SPAG6: variants seen among roughly 807,000 people sequenced by gnomAD.
The protein encoded by SPAG6 is sperm associated antigen 6, also known as sperm-associated antigen 6.
A neutral mutation model predicts 58.5 loss-of-function variants in SPAG6; 49 were observed. The ratio of observed to expected loss-of-function variants is 0.84; its 90% CI spans 0.67 to 1.06. The LOEUF is 1.06. SPAG6 is among the 50% of genes least tolerant of loss of function. The probability of loss-of-function intolerance (pLI) is 0.00; values close to 1 mark genes in which losing one functional copy is unlikely to be tolerated. For synonymous variants in SPAG6, 233 were observed against 225.6 expected (o/e 1.03, Z -0.29); for missense variants, 560 against 611.3 (o/e 0.92, Z 0.89).
intron 4 of SPAG6, among the ~76,000 whole-genome samples, chr10:22,374,695 G>A (rs1833778387): frequency 1.3e-5 from 2 of 151,386 alleles, no homozygotes; most frequent in South Asian, 4.2e-4. Context: ...AGGATCACTT[G>A]AGCCCAGGAG....
intron 8 of SPAG6, among the ~76,000 whole-genome samples, chr10:22,396,381 C>T (rs1377657751): frequency 1.3e-5 from 2 of 152,138 alleles, no homozygotes; most frequent in African/African-American, 2.4e-5. Flanking sequence ...CTTGCTGCTG[C>T]CATGTAAGAG....
At chr10:22,412,203 A>G (rs1384226199) in intron 10 of SPAG6, among the ~76,000 whole-genome samples, 4 of 152,080 alleles carry the variant, frequency 2.6e-5, no homozygotes, top group Non-Finnish European at 5.9e-5. Context: ...ATAAAGGCAT[A>G]TTTATCTGTA....
At chr10:22,349,221 T>C (rs1046938626) in intron 2 of SPAG6, among the ~76,000 whole-genome samples, 1 of 146,008 alleles carries the variant, frequency 6.8e-6, no homozygotes, top group Non-Finnish European at 1.5e-5. Flanking sequence ...CTTGAGGTGT[T>C]TTTTTTTTTC....
At chr10:22,357,028 A>G (rs191365343) in intron 2 of SPAG6, among the ~76,000 whole-genome samples, 120 of 152,262 alleles carry the variant, frequency 7.9e-4, no homozygotes, top group African/African-American at 2.7e-3. Flanking sequence ...TTCTTGCACT[A>G]TAGTCACACT....
chr10:22,407,729 A>G (rs374697101), intron 9 of SPAG6, among the ~76,000 whole-genome samples: 4 of 151,988 alleles, frequency 2.6e-5, no homozygotes, highest in African/African-American at 4.8e-5. Flanking sequence ...ATCCTGCAGA[A>G]TGTTTTCCAA....
At chr10:22,378,970 A>G (rs1833887294) in intron 4 of SPAG6, among the ~76,000 whole-genome samples, 1 of 152,202 alleles carries the variant, frequency 6.6e-6, no homozygotes, top group African/African-American at 2.4e-5. Flanking sequence ...AAGCAAATGT[A>G]TGTATGTATG....
chr10:22,362,565 A>ACCC (rs1032247130), intron 2 of SPAG6, among the ~76,000 whole-genome samples: 1 of 151,580 alleles, frequency 6.6e-6, no homozygotes, highest in African/African-American at 2.4e-5. Context: ...ACATAGTGAG[A>ACCC]CCCCCATCTC....
At position 22,365,128 on chromosome 10, in the gene SPAG6, A is replaced by C. The variant is rs1837160993; in HGVS notation, c.288+109A>C. ...TAGGCATAAAATTATTAGGGGGTTAACACAATCTTCAATTATCTGAGCTGC... is the reference window on the plus strand; with the variant it reads ...TAGGCATAAAATTATTAGGGGGTTACCACAATCTTCAATTATCTGAGCTGC... On this transcript the variant is annotated intron_variant, in intron 3 of 10. Coordinates refer to ENST00000376624, the MANE Select transcript of SPAG6 (RefSeq NM_012443.4). 8 of 704,718 alleles carry C rather than the reference A, an allele frequency of 1.1e-5. No individual in the cohort carries two copies. In the Admixed American group the frequency reaches 2.0e-4, roughly 17 times the overall value. The allele number at this position is 704,718 out of a possible 1,614,324, so 43.7% of individuals were successfully genotyped here.
chr10:22,411,860 T>C (rs2130646999), intron 10 of SPAG6, among the ~76,000 whole-genome samples: 1 of 142,338 alleles, frequency 7.0e-6, no homozygotes, highest in Admixed American at 7.0e-5. Flanking sequence ...TTTTTTTTTT[T>C]TTTTTTGAGA....
rs60632833 is a variant in SPAG6 at position 22,380,800 on chromosome 10, A to C, written c.473-5954A>C. 5.7e-3 allele frequency among the ~76,000 whole-genome samples: 870 copies of C among 152,248 alleles called. 6 individuals are homozygous for C. Among genetic ancestry groups the C allele is most frequent in the African/African-American group, 0.019 (793 of 41,556 alleles). On this transcript the variant is annotated intron_variant, in intron 4 of 10. Transcript: ENST00000376624. ...AAAATATAACTTTGGTAGGGCTTAGAGATAGTTAAAAGCAGTGTTTGAAAA... is the reference window on the plus strand; with the variant it reads ...AAAATATAACTTTGGTAGGGCTTAGCGATAGTTAAAAGCAGTGTTTGAAAA...
At position 22,416,660 on chromosome 10, in the gene SPAG6, TG is replaced by T; in HGVS notation, c.1504del (p.Asp502ThrfsTer22). 6.2e-7 allele frequency: 1 copy of T among 1,609,470 alleles called. No homozygotes were observed. Among genetic ancestry groups the T allele is most frequent in the Non-Finnish European group, 8.5e-7 (1 of 1,176,142 alleles). ...TATTCAGATACACTTCTGCAGAGGG[TG>T]GACAGCTATCAACCACTTAATAACT... ...PGYSDTLLQR[V>X]DSYQPLNN On this transcript the variant is annotated frameshift_variant, in exon 11 of 11. Transcript: ENST00000376624. LOFTEE classifies it high-confidence loss of function.
chr10:22,347,119 T>G (rs1836583372), intron 2 of SPAG6, among the ~76,000 whole-genome samples: 1 of 152,224 alleles, frequency 6.6e-6, no homozygotes, highest in Admixed American at 6.5e-5. Context: ...CAGAACACTT[T>G]CATTGTCACA....
intron 5 of SPAG6, among the ~76,000 whole-genome samples, chr10:22,387,252 G>T (rs1834087463): frequency 6.6e-6 from 1 of 152,056 alleles, no homozygotes; most frequent in African/African-American, 2.4e-5. Context: ...AAGACCTAAA[G>T]ATTTTTGAAC....
intron 9 of SPAG6, among the ~76,000 whole-genome samples, chr10:22,405,827 A>T (rs986717768): frequency 5.5e-4 from 84 of 152,248 alleles, no homozygotes; most frequent in African/African-American, 1.7e-3. Context: ...CTGTTATTGG[A>T]CTATTCAGAG....
rs115341916 is a variant in SPAG6, at chr10:22,415,963, G to A, written c.1461-656G>A. Among the ~76,000 whole-genome samples the A allele has an allele frequency of 4.5e-3, 688 of 152,058 alleles. 5 individuals are homozygous for A. The highest frequency in any genetic ancestry group is 0.016 in the African/African-American group (668 of 41,478). On this transcript the variant is annotated intron_variant, in intron 10 of 10. Coordinates refer to ENST00000376624, the MANE Select transcript of SPAG6 (RefSeq NM_012443.4). Reference sequence around the variant, plus strand: ...ATTTAATACTTTTATACTAAATCTTGTATAAAATGTTCAATTTATGAATGT... The same window carrying A: ...ATTTAATACTTTTATACTAAATCTTATATAAAATGTTCAATTTATGAATGT...
rs550836049 is a variant in SPAG6 at position 22,375,915 on chromosome 10, T to C, written c.472+7237T>C. ...TTTGAAGATAGGACCTCTAGCGTTT[T>C]TGGTGTCACTGTGCTATAACTAGCC... On this transcript the variant is annotated intron_variant, in intron 4 of 10. Coordinates refer to ENST00000376624, the MANE Select transcript of SPAG6 (RefSeq NM_012443.4). Among the ~76,000 whole-genome samples, 65 of 152,252 alleles carry C rather than the reference T, an allele frequency of 4.3e-4. 1 individual carries two copies. The highest frequency in any genetic ancestry group is 1.5e-3 in the African/African-American group (63 of 41,554).
At chr10:22,412,327 T>C (rs1834761139) in intron 10 of SPAG6, 2 of 582,964 alleles carry the variant, frequency 3.4e-6, no homozygotes, top group Non-Finnish European at 6.1e-6. Context: ...GCAACATGTC[T>C]GTTAATTCTT....
rs549431264 is a variant in SPAG6, at chr10:22,365,000, A to T, written c.269A>T (p.Tyr90Phe). The T allele has an allele frequency of 1.2e-6, 2 of 1,603,738 alleles. No individual in the cohort carries two copies. Among genetic ancestry groups the T allele is most frequent in the African/African-American group, 2.7e-5 (2 of 74,506 alleles). ...TGCGACATTCTTCCACAGCTTGTTT[A>T]TTCATTGGCAGAACAGAATGTAAGA... is the stretch of plus-strand genomic sequence containing the variant. ...VKCDILPQLVYSLAEQNRFYK... is the reference protein window; with the variant it reads ...VKCDILPQLVFSLAEQNRFYK... Residue 90 changes from tyrosine to phenylalanine, a missense_variant, in exon 3 of 11, where the codon TAT becomes TTT. Coordinates refer to ENST00000376624, the MANE Select transcript of SPAG6 (RefSeq NM_012443.4).
chr10:22,411,840 CTTTTTTTTTTTTTTT>C lies in SPAG6; in HGVS notation c.1460+676_1460+690del, dbSNP rs546172800. Among the ~76,000 whole-genome samples, 263 of 66,806 alleles carry C rather than the reference CTTTTTTTTTTTTTTT, an allele frequency of 3.9e-3. 4 individuals carry two copies. The highest frequency in any genetic ancestry group is 0.015 in the African/African-American group (253 of 17,160). 43.8% of individuals were successfully genotyped at this position (66,806 alleles called of 152,430 possible). On this transcript the variant is annotated intron_variant, in intron 10 of 10. Transcript: ENST00000376624. Reference sequence around the variant, plus strand: ...AAGAGAATGATTTAAACAACTGAATCTTTTTTTTTTTTTTTTTTTTTTTTTTGAGACAGAGTCTTG... The same window carrying C: ...AAGAGAATGATTTAAACAACTGAATCTTTTTTTTTTTGAGACAGAGTCTTG...
Sources: gnomAD v4.1 joint callset for allele counts (sites outside exome capture counted in the v4.1 genomes callset) on GRCh38, gnomAD v4.1.1 for gene constraint, MANE v1.5 for transcripts, NCBI Gene and HGNC (gene_info 2026-07-23, HGNC 2026-07-21) for gene names.